SV2C: variants seen among roughly 807,000 people sequenced by gnomAD.
SV2C encodes synaptic vesicle glycoprotein 2C.
In SV2C, 49 loss-of-function variants were observed where a neutral mutation model predicts 79.7. The ratio of observed to expected loss-of-function variants is 0.61; its 90% CI spans 0.49 to 0.78. The LOEUF (loss-of-function observed/expected upper bound fraction) is 0.78, where lower values mean the gene tolerates loss of function less well. Among genes scored for constraint, SV2C ranks in the 30% least tolerant of loss-of-function variants. SV2C has a pLI of 0.00. For synonymous variants in SV2C, 334 were observed against 333.2 expected (o/e 1.00, Z -0.03); for missense variants, 833 against 912.9 (o/e 0.91, Z 1.13).
chr5:76,135,775 A>T (rs1442896978), intron 2 of SV2C, among the ~76,000 whole-genome samples: 1 of 152,120 alleles, frequency 6.6e-6, no homozygotes, highest in African/African-American at 2.4e-5. Context: ...CTCAGAGTGG[A>T]TTCTGTGGAA....
intron 12 of SV2C, chr5:76,311,568 T>C (rs1748441944): frequency 6.6e-6 from 1 of 152,192 alleles, no homozygotes; most frequent in South Asian, 2.1e-4. Context: ...ATACAAGTCA[T>C]TGTATAGTCT....
At chr5:76,274,542 C>CTGT (rs1269946775) in intron 4 of SV2C, among the ~76,000 whole-genome samples, 1 of 152,092 alleles carries the variant, frequency 6.6e-6, no homozygotes, top group African/African-American at 2.4e-5. Flanking sequence ...TTCCATATAT[C>CTGT]TGTTTAGAAA....
the SV2C span, among the ~76,000 whole-genome samples, chr5:75,849,211 G>A: frequency 6.6e-6 from 1 of 152,224 alleles, no homozygotes; most frequent in African/African-American, 2.4e-5. Context: ...ACAGCTGGGA[G>A]TATTAAAGCA....
chr5:76,091,225 C>T (rs966191028), intron 1 of SV2C, among the ~76,000 whole-genome samples: 3 of 152,204 alleles, frequency 2.0e-5, no homozygotes, highest in Non-Finnish European at 4.4e-5. Flanking sequence ...CCAATTAAAT[C>T]TGCAACCTGT....
At chr5:76,073,544 T>TATAAATAC in the SV2C span, among the ~76,000 whole-genome samples, 27 of 121,090 alleles carry the variant, frequency 2.2e-4, no homozygotes, top group African/African-American at 8.3e-4. Flanking sequence ...TATATATATA[T>TATAAATAC]ACACCATGGA....
At chr5:76,212,739 T>C (rs1386327971) in intron 4 of SV2C, among the ~76,000 whole-genome samples, 1 of 152,190 alleles carries the variant, frequency 6.6e-6, no homozygotes. Flanking sequence ...ATGACTGTTT[T>C]TATTTTTAGT....
chr5:75,887,527 A>C, the SV2C span, among the ~76,000 whole-genome samples: 2 of 152,090 alleles, frequency 1.3e-5, no homozygotes, highest in Non-Finnish European at 2.9e-5. Context: ...ATCCTTCTGG[A>C]TGAGTTAAGG....
At chr5:76,267,095 C>T (rs1021728264) in intron 4 of SV2C, among the ~76,000 whole-genome samples, 19 of 152,226 alleles carry the variant, frequency 1.2e-4, no homozygotes, top group Admixed American at 7.2e-4. Flanking sequence ...ATTGGGAGGG[C>T]GACATTCCTG....
the SV2C span, among the ~76,000 whole-genome samples, chr5:75,960,913 A>G: frequency 6.6e-6 from 1 of 152,032 alleles, no homozygotes; most frequent in South Asian, 2.1e-4. Context: ...CACTTTGCAC[A>G]TACTTCTTTC....
chr5:75,957,710 A>G, the SV2C span, among the ~76,000 whole-genome samples: 1 of 152,080 alleles, frequency 6.6e-6, no homozygotes, highest in African/African-American at 2.4e-5. Flanking sequence ...TTCCTTGGTA[A>G]GACACATGTG....
the SV2C span, among the ~76,000 whole-genome samples, chr5:75,956,589 G>A: frequency 1.3e-5 from 2 of 152,010 alleles, no homozygotes; most frequent in Non-Finnish European, 2.9e-5. Context: ...TGTAGATGGA[G>A]GGTAGCTCGG....
intron 3 of SV2C, among the ~76,000 whole-genome samples, chr5:76,205,264 T>C (rs1009608229): frequency 6.6e-6 from 1 of 152,184 alleles, no homozygotes; most frequent in Non-Finnish European, 1.5e-5. Context: ...AGTTTCTTTA[T>C]ATTTGTATAA....
intron 4 of SV2C, among the ~76,000 whole-genome samples, chr5:76,270,342 C>T (rs1457064976): frequency 6.6e-6 from 1 of 152,144 alleles, no homozygotes; most frequent in Non-Finnish European, 1.5e-5. Context: ...CAAAAAAATG[C>T]ATTCATTGCT....
the SV2C span, among the ~76,000 whole-genome samples, chr5:75,972,513 C>T: frequency 5.3e-5 from 8 of 152,010 alleles, no homozygotes; most frequent in East Asian, 1.9e-4. Flanking sequence ...AAAAACTGGG[C>T]GAAGGATATG....
the SV2C span, among the ~76,000 whole-genome samples, chr5:75,849,839 A>T: frequency 4.6e-5 from 7 of 152,198 alleles, no homozygotes; most frequent in African/African-American, 1.4e-4. Context: ...TTGGAATAAG[A>T]GCAAACTCTC....
the SV2C span, among the ~76,000 whole-genome samples, chr5:75,986,207 T>G: frequency 1.3e-5 from 2 of 151,476 alleles, no homozygotes; most frequent in Non-Finnish European, 2.9e-5. Context: ...TAAAGGAACT[T>G]TGCATATATG....
chr5:76,351,511 C>G (rs1196044577), intron 12 of SV2C, among the ~76,000 whole-genome samples: 1 of 152,084 alleles, frequency 6.6e-6, no homozygotes, highest in Non-Finnish European at 1.5e-5. Flanking sequence ...TTGGAAACCT[C>G]TATGAGCTGG....
chr5:76,016,254 T>TAA, the SV2C span, among the ~76,000 whole-genome samples: 27 of 90,372 alleles, frequency 3.0e-4, 1 homozygote, highest in Admixed American at 5.8e-4. Context: ...TTTAATTTTC[T>TAA]AAAAAAAAAA....
At chr5:76,226,590 A>C (rs1288420040) in intron 4 of SV2C, among the ~76,000 whole-genome samples, 1 of 152,250 alleles carries the variant, frequency 6.6e-6, no homozygotes, top group Non-Finnish European at 1.5e-5. Context: ...TTTGGTAAGT[A>C]CATGTTTAGC....
Sources: allele counts gnomAD v4.1 joint callset (sites outside exome capture counted in the v4.1 genomes callset), GRCh38; gene constraint gnomAD v4.1.1; transcripts MANE v1.5; gene names NCBI Gene and HGNC (gene_info 2026-07-23, HGNC 2026-07-21).